The following BMAL1 variants were observed in gnomAD, a reference collection of about 807,000 sequenced individuals.
The protein encoded by BMAL1 is basic helix-loop-helix ARNT like 1.
At chr11:13,288,430 T>A in the BMAL1 span, among the ~76,000 whole-genome samples, 381 of 5,154 alleles carry the variant, frequency 0.074, 5 homozygotes, top group Middle Eastern at 0.17. Context: ...TTTTCTTTTT[T>A]TTTTTTTTGT....
At chr11:13,329,104 G>A in the BMAL1 span, among the ~76,000 whole-genome samples, 5 of 152,142 alleles carry the variant, frequency 3.3e-5, no homozygotes, top group African/African-American at 1.2e-4. Flanking sequence ...CGCTCTCATG[G>A]TGCTCACATT....
At chr11:13,359,397 G>T in the BMAL1 span, among the ~76,000 whole-genome samples, 1 of 152,200 alleles carries the variant, frequency 6.6e-6, no homozygotes, top group African/African-American at 2.4e-5. Flanking sequence ...AGCTGGTTTT[G>T]TCTGACTTTA....
chr11:13,336,152 T>C, the BMAL1 span, among the ~76,000 whole-genome samples: 4 of 152,242 alleles, frequency 2.6e-5, no homozygotes, highest in African/African-American at 9.6e-5. Context: ...AATTTTTAAC[T>C]GCATTCATTG....
chr11:13,340,326 C>G, the BMAL1 span, among the ~76,000 whole-genome samples: 1 of 152,192 alleles, frequency 6.6e-6, no homozygotes, highest in African/African-American at 2.4e-5. Context: ...TGCTGGGTTC[C>G]GCTTTTCCTC....
the BMAL1 span, among the ~76,000 whole-genome samples, chr11:13,284,137 T>C: frequency 1.6e-5 from 1 of 61,846 alleles, no homozygotes; most frequent in Non-Finnish European, 3.4e-5. Context: ...TGTATATATA[T>C]ATATATGTGT....
At chr11:13,360,800 A>T in the BMAL1 span, among the ~76,000 whole-genome samples, 5 of 152,232 alleles carry the variant, frequency 3.3e-5, no homozygotes, top group Non-Finnish European at 7.3e-5. Flanking sequence ...AGCACAAAAA[A>T]GTCCACCTAA....
At chr11:13,280,414 A>G in the BMAL1 span, among the ~76,000 whole-genome samples, 1 of 152,270 alleles carries the variant, frequency 6.6e-6, no homozygotes, top group Non-Finnish European at 1.5e-5. Context: ...ACAAAACTGC[A>G]TATGAAAAGG....
chr11:13,375,543 T>C, the BMAL1 span: 2 of 1,317,720 alleles, frequency 1.5e-6, no homozygotes. Context: ...TAATATTTTG[T>C]ATTGGATGTC....
At chr11:13,313,288 T>G in the BMAL1 span, among the ~76,000 whole-genome samples, 1 of 152,174 alleles carries the variant, frequency 6.6e-6, no homozygotes, top group African/African-American at 2.4e-5. Context: ...GTCCTTAGCT[T>G]CTGGTTTGGC....
At chr11:13,304,261 T>C in the BMAL1 span, among the ~76,000 whole-genome samples, 1 of 152,088 alleles carries the variant, frequency 6.6e-6, no homozygotes, top group African/African-American at 2.4e-5. Flanking sequence ...CCAGAAGGGC[T>C]GGCCCTGAGC....
chr11:13,385,914 TA>T, the BMAL1 span: 1 of 747,616 alleles, frequency 1.3e-6, no homozygotes, highest in East Asian at 2.8e-5. Flanking sequence ...AGGAACAGAA[TA>T]AAAGTTTAAA....
chr11:13,331,726 T>C, the BMAL1 span, among the ~76,000 whole-genome samples: 628 of 152,312 alleles, frequency 4.1e-3, 4 homozygotes, highest in African/African-American at 0.014. Flanking sequence ...AGTGGACTGG[T>C]GCCAGCCTGT....
chr11:13,278,026 C>A, the BMAL1 span: 1 of 151,716 alleles, frequency 6.6e-6, no homozygotes, highest in African/African-American at 2.4e-5. Context: ...GCCCCGGGGG[C>A]AACCCGGCCG....
At chr11:13,327,299 G>A in the BMAL1 span, among the ~76,000 whole-genome samples, 5 of 152,050 alleles carry the variant, frequency 3.3e-5, no homozygotes, top group African/African-American at 1.2e-4. Context: ...AGTACATTAA[G>A]TACGTGCCTA....
the BMAL1 span, among the ~76,000 whole-genome samples, chr11:13,287,067 C>T: frequency 6.6e-6 from 1 of 151,122 alleles, no homozygotes; most frequent in African/African-American, 2.5e-5. Context: ...GTGAAAAGTA[C>T]CTGATCCTTT....
At chr11:13,382,576 A>G in the BMAL1 span, among the ~76,000 whole-genome samples, 26 of 143,436 alleles carry the variant, frequency 1.8e-4, no homozygotes, top group African/African-American at 6.9e-4. Flanking sequence ...TTATACCTCC[A>G]GGTCCTTCCT....
At chr11:13,318,238 C>T in the BMAL1 span, among the ~76,000 whole-genome samples, 2 of 152,298 alleles carry the variant, frequency 1.3e-5, no homozygotes, top group Non-Finnish European at 2.9e-5. Context: ...TTTCCACTAG[C>T]AACTGTGACC....
the BMAL1 span, among the ~76,000 whole-genome samples, chr11:13,284,261 TATATA>T: frequency 0.016 from 372 of 23,782 alleles, 47 homozygotes; most frequent in African/African-American, 0.069. Flanking sequence ...TATATATATA[TATATA>T]TTTTTTTTTT....
At chr11:13,366,694 C>T in the BMAL1 span, 10 of 1,614,092 alleles carry the variant, frequency 6.2e-6, no homozygotes, top group African/African-American at 1.3e-5. Context: ...GTTTGTTTGA[C>T]TACCTGCATC....
Sources: allele counts gnomAD v4.1 joint callset (sites outside exome capture counted in the v4.1 genomes callset), GRCh38; gene constraint gnomAD v4.1.1; transcripts MANE v1.5; gene names NCBI Gene and HGNC (gene_info 2026-07-23, HGNC 2026-07-21).